The following RTN1 variants were observed in gnomAD, a reference collection of about 807,000 sequenced individuals.
RTN1 encodes reticulon 1.
In RTN1, 25 loss-of-function variants were observed where a neutral mutation model predicts 65.5. That is an observed-to-expected ratio of 0.38 (90% confidence interval 0.28 to 0.53). The LOEUF (loss-of-function observed/expected upper bound fraction) is 0.53. Among genes scored for constraint, RTN1 ranks in the 20% least tolerant of loss-of-function variants. RTN1 has a pLI of 0.79. For synonymous variants in RTN1, 471 were observed against 447.6 expected (o/e 1.05, Z -0.66); for missense variants, 983 against 1,025.4 (o/e 0.96, Z 0.57).
chr14:59,682,948 A>C (rs911517791), intron 3 of RTN1, among the ~76,000 whole-genome samples: 1 of 152,152 alleles, frequency 6.6e-6, no homozygotes, highest in Non-Finnish European at 1.5e-5. Flanking sequence ...AAGGAGAAGC[A>C]ATTTGATTTG....
At chr14:59,822,522 T>C (rs759393127) in intron 1 of RTN1, among the ~76,000 whole-genome samples, 1 of 152,254 alleles carries the variant, frequency 6.6e-6, no homozygotes, top group South Asian at 2.1e-4. Flanking sequence ...AGTTCTGCTC[T>C]GACTTTGGTT....
intron 3 of RTN1, among the ~76,000 whole-genome samples, chr14:59,682,193 C>G (rs1326086238): frequency 1.3e-5 from 2 of 152,142 alleles, no homozygotes; most frequent in Non-Finnish European, 2.9e-5. Flanking sequence ...CCTTTGAGGA[C>G]TTTACACACA....
At chr14:59,745,477 C>G (rs1885197503) in intron 2 of RTN1, among the ~76,000 whole-genome samples, 1 of 151,984 alleles carries the variant, frequency 6.6e-6, no homozygotes, top group African/African-American at 2.4e-5. Flanking sequence ...AAAAATTTTA[C>G]AAAGAAAACC....
At chr14:59,730,460 T>A (rs1884875184) in intron 2 of RTN1, among the ~76,000 whole-genome samples, 1 of 152,184 alleles carries the variant, frequency 6.6e-6, no homozygotes, top group African/African-American at 2.4e-5. Context: ...TGACCTTGGA[T>A]TAGAAATCGT....
intron 1 of RTN1, among the ~76,000 whole-genome samples, chr14:59,800,402 G>A (rs192622234): frequency 1.3e-5 from 2 of 152,070 alleles, no homozygotes; most frequent in East Asian, 3.9e-4. Context: ...TGTTGTTGTT[G>A]TTTTTGTTTT....
At chr14:59,680,698 A>G (rs1454811616) in intron 3 of RTN1, among the ~76,000 whole-genome samples, 2 of 152,226 alleles carry the variant, frequency 1.3e-5, no homozygotes, top group Non-Finnish European at 2.9e-5. Flanking sequence ...CCAGAAATCT[A>G]TCTCAAGAAA....
chr14:59,639,154 C>G (rs1882725809), intron 3 of RTN1, among the ~76,000 whole-genome samples: 1 of 152,142 alleles, frequency 6.6e-6, no homozygotes. Flanking sequence ...GTTGAGCAGT[C>G]AGAACACACA....
At chr14:59,661,080 C>G (rs928219895) in intron 3 of RTN1, among the ~76,000 whole-genome samples, 2 of 151,844 alleles carry the variant, frequency 1.3e-5, no homozygotes, top group African/African-American at 4.8e-5. Flanking sequence ...CACAGAAATA[C>G]AAACTACTGT....
intron 3 of RTN1, among the ~76,000 whole-genome samples, chr14:59,637,386 C>T (rs1882687074): frequency 1.3e-5 from 2 of 152,278 alleles, no homozygotes; most frequent in Admixed American, 1.3e-4. Flanking sequence ...TTACTTCCTC[C>T]ACTGAAGTCT....
chr14:59,732,188 G>A (rs1007439137), intron 2 of RTN1, among the ~76,000 whole-genome samples: 4 of 152,188 alleles, frequency 2.6e-5, no homozygotes, highest in Non-Finnish European at 5.9e-5. Flanking sequence ...AAAGTCAAAC[G>A]TTTAACTGGA....
intron 1 of RTN1, among the ~76,000 whole-genome samples, chr14:59,749,496 T>C (rs1386240769): frequency 1.3e-5 from 1 of 74,388 alleles, no homozygotes; most frequent in Non-Finnish European, 2.2e-5. Context: ...TATATCTATA[T>C]ATATCTATAT....
At chr14:59,733,805 C>T (rs771506294) in intron 2 of RTN1, among the ~76,000 whole-genome samples, 21 of 152,246 alleles carry the variant, frequency 1.4e-4, no homozygotes, top group Non-Finnish European at 2.2e-4. Context: ...GCTGGTCTAG[C>T]CTGTGGGGCT....
intron 4 of RTN1, chr14:59,606,114 A>AAAAACATGAT (rs1881741139): frequency 2.3e-5 from 1 of 42,808 alleles, no homozygotes; most frequent in African/African-American, 1.0e-4. Context: ...ATATATATAT[A>AAAAACATGAT]TATATATATA....
chr14:59,700,398 A>C (rs1453163973), intron 3 of RTN1, among the ~76,000 whole-genome samples: 1 of 152,172 alleles, frequency 6.6e-6, no homozygotes. Flanking sequence ...ATGGAAATAA[A>C]AGTGACCCAG....
intron 5 of RTN1, 113 bp downstream of exon 5, chr14:59,605,255 A>G: frequency 8.7e-7 from 1 of 1,155,494 alleles, no homozygotes; most frequent in Non-Finnish European, 1.2e-6. Context: ...TTCTGACTCT[A>G]GAATATAATT....
At chr14:59,609,813 A>G (rs915240071) in intron 3 of RTN1, among the ~76,000 whole-genome samples, 1 of 152,236 alleles carries the variant, frequency 6.6e-6, no homozygotes, top group African/African-American at 2.4e-5. Context: ...GCAGGAACTA[A>G]GTGCCAGGCT....
chr14:59,825,858 T>C lies in RTN1; in HGVS notation c.241+44532A>G, dbSNP rs1300322424. On this transcript the variant is annotated intron_variant, in intron 1 of 8. Transcript: ENST00000267484. This position sits in a 1 kb window ranked among gnomAD's most constrained non-coding sequence, Gnocchi z 4.2. ...TGACTGAACTCAGACCAGGAGCCTA[T>C]AACCTCGTTACAGGCCACTCACTCC... Among the ~76,000 whole-genome samples the C allele has an allele frequency of 1.3e-5, 2 of 152,212 alleles. No homozygotes were observed. The highest frequency in any genetic ancestry group is 2.9e-5 in the Non-Finnish European group (2 of 68,030).
chr14:59,615,342 G>A (rs1594633109), intron 3 of RTN1, among the ~76,000 whole-genome samples: 1 of 152,054 alleles, frequency 6.6e-6, no homozygotes, highest in Non-Finnish European at 1.5e-5. Context: ...CCAGCTACTC[G>A]GGAGGCTGAC....
chr14:59,690,330 A>G (rs769037588), intron 3 of RTN1, among the ~76,000 whole-genome samples: 39 of 152,122 alleles, frequency 2.6e-4, no homozygotes, highest in East Asian at 1.5e-3. Context: ...TCCTTATATC[A>G]TATAAGAATA....
Sources: gnomAD v4.1 joint callset for allele counts (sites outside exome capture counted in the v4.1 genomes callset) on GRCh38, gnomAD v4.1.1 for gene constraint, Gnocchi (gnomAD v3.1) non-coding constraint, MANE v1.5 for transcripts, NCBI Gene and HGNC (gene_info 2026-07-23, HGNC 2026-07-21) for gene names.